Variants in CCNB3 observed in about 807,000 individuals in gnomAD.
CCNB3 encodes the protein G2/mitotic-specific cyclin-B3.
In CCNB3, 12 loss-of-function variants were observed where a neutral mutation model predicts 68.0. The observed-to-expected ratio is 0.18, with a 90% CI of 0.11 to 0.29. The LOEUF (loss-of-function observed/expected upper bound fraction) is 0.29. CCNB3 is among the 10% of genes least tolerant of loss of function. CCNB3 has a pLI of 1.00. For missense variants in CCNB3, 904 were observed against 993.1 expected (o/e 0.91, Z 1.21); for synonymous variants, 354 against 388.9 (o/e 0.91, Z 1.06).
intron 1 of CCNB3, among the ~76,000 whole-genome samples, chrX:50,222,647 G>A (rs1277842084): frequency 9.0e-6 from 1 of 111,724 alleles, no homozygotes; most frequent in Non-Finnish European, 1.9e-5. Context: ...CTGTTAGTCT[G>A]ATGGGCTTCT....
In CCNB3 at chrX:50,309,628, A is replaced by G; in HGVS notation, c.1459A>G (p.Lys487Glu). ...CTIEEAPPTK[K>E]PLILKRKHAT... ...CATTGAGGAGGCACCCCCCACCAAG[A>G]AGCCTTTAATTTTAAAGAGGAAGCA... Residue 487 changes from lysine (K) to glutamate (E), a missense_variant, in exon 6 of 13, where the codon AAG (lysine) becomes GAG (glutamate). Lys to Glu is a moderately conservative substitution (Grantham distance 56, BLOSUM62 1). Transcript: ENST00000376042. 1 of 1,211,527 alleles carries G rather than the reference A, an allele frequency of 8.3e-7. No individual in the cohort carries two copies. The highest frequency in any genetic ancestry group is 1.1e-6 in the Non-Finnish European group (1 of 895,419).
chrX:50,333,220 C>T lies in CCNB3; in HGVS notation c.3517-8982C>T, dbSNP rs192273286. 3.6e-4 allele frequency among the ~76,000 whole-genome samples: 40 copies of T among 111,511 alleles called. No individual in the cohort carries two copies. In the East Asian group the frequency reaches 7.4e-3, roughly 21 times the overall value. On this transcript the variant is annotated intron_variant, in intron 8 of 12. Transcript: ENST00000376042. ...TGCTGGCCCATTATCCGAGCCGATT[C>T]ATAAGGGCAGTCCAAACCTAGGAAT...
intron 5 of CCNB3, among the ~76,000 whole-genome samples, 189 bp downstream of exon 5, chrX:50,295,182 C>T (rs1478127527): frequency 9.0e-6 from 1 of 111,712 alleles, no homozygotes; most frequent in Non-Finnish European, 1.9e-5. Context: ...TCTTTCATTA[C>T]GTGTGTGCAT....
At chrX:50,227,084 A>C (rs1190147513) in intron 1 of CCNB3, among the ~76,000 whole-genome samples, 2 of 82,528 alleles carry the variant, frequency 2.4e-5, no homozygotes, top group Non-Finnish European at 4.3e-5. Context: ...TAAAGAATAT[A>C]TATAAATATA....
intron 1 of CCNB3, among the ~76,000 whole-genome samples, chrX:50,283,035 TAGA>T (rs1236366415): frequency 2.7e-5 from 3 of 111,615 alleles, no homozygotes; most frequent in Non-Finnish European, 5.6e-5. Context: ...TTGGATTTGA[TAGA>T]AGAAGAGGGG....
At chrX:50,214,630 T>TATAA (rs1935539176) in intron 1 of CCNB3, among the ~76,000 whole-genome samples, 1 of 99,118 alleles carries the variant, frequency 1.0e-5, no homozygotes, top group Non-Finnish European at 2.0e-5. Context: ...TATTGTATTT[T>TATAA]ATGTATAATA....
rs1192296376 is a variant in CCNB3 at position 50,226,978 on chromosome X, G to C, written c.-113+22028G>C. ...ATAGTATATATATAGAATATATATA[G>C]TATATATATAGAATATATAAATATA... On this transcript the variant is annotated intron_variant, in intron 1 of 12. Coordinates refer to ENST00000376042, the MANE Select transcript of CCNB3 (RefSeq NM_033031.3). Among the ~76,000 whole-genome samples, 45 of 58,969 alleles carry C rather than the reference G, an allele frequency of 7.6e-4. 1 individual carries two copies. The highest frequency in any genetic ancestry group is 3.0e-3 in the African/African-American group (36 of 12,002). The allele number at this position is 58,969 out of a possible 115,157, so 51.2% of individuals were successfully genotyped here.
rs782591821 is a variant in CCNB3, at chrX:50,312,637, T to C, written c.3423+5T>C. 8.7e-7 allele frequency: 1 copy of C among 1,148,690 alleles called. No individual in the cohort carries two copies. The highest frequency in any genetic ancestry group is 1.2e-6 in the Non-Finnish European group (1 of 844,415). 94.7% of individuals were successfully genotyped at this position (1,148,690 alleles called of 1,213,427 possible). On this transcript the variant is annotated splice_donor_5th_base_variant and intron_variant, in intron 7 of 12. Transcript: ENST00000376042. ...AGTTACATGAAAGAGAGAGAGGTAT[T>C]TAGGTTGCTTGGGTTGGGCAATGAT...
At chrX:50,345,628 G>A (rs1391282289) in intron 9 of CCNB3, among the ~76,000 whole-genome samples, 1 of 111,292 alleles carries the variant, frequency 9.0e-6, no homozygotes, top group Non-Finnish European at 1.9e-5. Context: ...TGTTGGCCAG[G>A]ACAGAGGGCC....
At chrX:50,206,582 C>T (rs1369166569) in intron 1 of CCNB3, among the ~76,000 whole-genome samples, 4 of 107,419 alleles carry the variant, frequency 3.7e-5, no homozygotes, top group Admixed American at 1.0e-4. Flanking sequence ...AAGACTGTCT[C>T]AAAAGAAAAA....
At position 50,310,148 on chromosome X, in the gene CCNB3, C is replaced by T; in HGVS notation, c.1979C>T (p.Ala660Val). Residue 660 changes from alanine (A) to valine (V), a missense_variant, in exon 6 of 13, where the codon GCC becomes GTC. By Grantham distance (64) the Ala-to-Val change is moderately conservative. This residue lies in a region of CCNB3 where 619 missense variants were observed against 609.8 expected (regional missense o/e 1.02). Coordinates refer to ENST00000376042, the MANE Select transcript of CCNB3 (RefSeq NM_033031.3). ...GTGTCCCTCTCAAAAGAGTCATTGG[C>T]CATCCAAGAGAAGGCTACCACTGAG... ...QEVSLSKESLAIQEKATTEEE... is the reference protein window; with the variant it reads ...QEVSLSKESLVIQEKATTEEE... The T allele has an allele frequency of 8.3e-7, 1 of 1,209,929 alleles. No individual in the cohort carries two copies.
intron 1 of CCNB3, among the ~76,000 whole-genome samples, chrX:50,280,755 C>T (rs1051016476): frequency 7.3e-5 from 8 of 109,988 alleles, no homozygotes; most frequent in African/African-American, 2.6e-4. Context: ...TAAATGAAAA[C>T]GCGTCTTTTA....
chrX:50,328,098 A>G (rs1378826871), intron 8 of CCNB3, among the ~76,000 whole-genome samples: 4 of 111,950 alleles, frequency 3.6e-5, no homozygotes, highest in Non-Finnish European at 7.5e-5. Context: ...CCAGAAAGCA[A>G]CACAGCCTTG....
At position 50,306,510 on chromosome X, in the gene CCNB3, T is replaced by C. The variant is rs782067961; in HGVS notation, c.336-1995T>C. On this transcript the variant is annotated intron_variant, in intron 5 of 12. Coordinates refer to ENST00000376042, the MANE Select transcript of CCNB3 (RefSeq NM_033031.3). ...CTACAACCTCTAGTATAATGTTGAA[T>C]AGAAGTATCAAGAGTTGGACATTCT... Among the ~76,000 whole-genome samples, 10 of 112,156 alleles carry C rather than the reference T, an allele frequency of 8.9e-5. No individual in the cohort carries two copies. In the East Asian group the frequency reaches 2.5e-3, roughly 28 times the overall value.
chrX:50,300,435 T>C (rs1936600788), intron 5 of CCNB3, among the ~76,000 whole-genome samples: 1 of 111,828 alleles, frequency 8.9e-6, no homozygotes, highest in African/African-American at 3.3e-5. Flanking sequence ...TGAAAATTCT[T>C]TTCTTTAAGA....
At chrX:50,324,574 A>T (rs1004208540) in intron 8 of CCNB3, among the ~76,000 whole-genome samples, 2 of 112,230 alleles carry the variant, frequency 1.8e-5, no homozygotes, top group African/African-American at 6.5e-5. Flanking sequence ...TCAAAGAACC[A>T]GCTCATGGGT....
At chrX:50,279,471 A>AATATATGAAATATTCATATATAAAT (rs1936045419) in intron 1 of CCNB3, among the ~76,000 whole-genome samples, 2 of 82,290 alleles carry the variant, frequency 2.4e-5, no homozygotes, top group East Asian at 3.7e-4. Context: ...TAAATATATA[A>AATATATGAAATATTCATATATAAAT]ATATATGAAA....
At chrX:50,323,614 G>A (rs782296709) in intron 8 of CCNB3, among the ~76,000 whole-genome samples, 63 of 112,270 alleles carry the variant, frequency 5.6e-4, no homozygotes, top group Admixed American at 1.6e-3. Flanking sequence ...ATTTTTTAAT[G>A]TATTTTATGT....
Position 50,351,232 on chromosome X carries a change from T to C in CCNB3, c.3961-9T>C, listed in dbSNP as rs1557221102. 1 of 1,210,841 alleles carries C rather than the reference T, an allele frequency of 8.3e-7. No individual in the cohort carries two copies. The highest frequency in any genetic ancestry group is 2.2e-5 in the Admixed American group (1 of 45,986). ...TAGTAGAAATCACTATTCATGCTGC[T>C]TCTTCCAGGTTCCCTTCCTGGAGCA... On this transcript the variant is annotated splice_polypyrimidine_tract_variant and intron_variant, in intron 11 of 12. Transcript: ENST00000376042.
Sources: allele counts gnomAD v4.1 joint callset (sites outside exome capture counted in the v4.1 genomes callset), GRCh38; gene constraint gnomAD v4.1.1; regional missense constraint gnomAD v4.1.1; transcripts MANE v1.5; gene names NCBI Gene and HGNC (gene_info 2026-07-23, HGNC 2026-07-21).